The following ZFP28 variants were observed in gnomAD, a reference collection of about 807,000 sequenced individuals.
The protein encoded by ZFP28 is zinc finger protein 28 homolog.
A neutral mutation model predicts 39.5 loss-of-function variants in ZFP28; 31 were observed. That is an observed-to-expected ratio of 0.79 (90% CI 0.59 to 1.06). ZFP28 has a LOEUF of 1.06. Ranked by LOEUF, ZFP28 falls within the 50% of genes least tolerant of loss-of-function variation. ZFP28 has a pLI of 0.00. For missense variants in ZFP28, 925 were observed against 1,048.4 expected (o/e 0.88, Z 1.63); for synonymous variants, 400 against 378.6 (o/e 1.06, Z -0.66).
Position 56,555,760 on chromosome 19 carries a change from T to C in ZFP28, c.*368T>C, listed in dbSNP as rs1317511002. 1 of 182,458 alleles carries C rather than the reference T, an allele frequency of 5.5e-6. No individual in the cohort carries two copies. The highest frequency in any genetic ancestry group is 1.1e-5 in the Non-Finnish European group (1 of 88,728). 11.3% of individuals were successfully genotyped at this position (182,458 alleles called of 1,614,324 possible). A position where few individuals can be genotyped will look rare whatever the true frequency, so the allele number is the denominator to read the frequency against. On this transcript the variant is annotated 3_prime_UTR_variant, in exon 8 of 8. Transcript: ENST00000301318. The stretch of plus-strand genomic sequence containing the variant: ...GTGGGTGAGGTTTTGCCTTTGTTGG[T>C]TTTAAAACTTGATTCTATAATGCCA...
Position 56,539,183 on chromosome 19 carries a change from CAA to C in ZFP28, c.167_168del (p.Lys56ArgfsTer38). ...CGCGCTCAAGGAATGGCCTCGCATC[CAA>C]AGGCCAGCGAGGAGCGGCCCCTACG... ...RPRSRNGLAS[K>X]GQRGAAPTGP... On this transcript the variant is annotated frameshift_variant, in exon 1 of 8. Coordinates refer to ENST00000301318, the MANE Select transcript of ZFP28 (RefSeq NM_020828.2). LOFTEE classifies it high-confidence loss of function. The C allele has an allele frequency of 6.2e-7, 1 of 1,603,822 alleles. No homozygotes were observed. The highest frequency in any genetic ancestry group is 8.5e-7 in the Non-Finnish European group (1 of 1,178,172).
chr19:56,553,648 G>A (rs762298986), intron 7 of ZFP28, 36 bp from the exon 8 acceptor site: 140 of 1,524,842 alleles, frequency 9.2e-5, no homozygotes, highest in Admixed American at 2.7e-4. Context: ...CCTAGCACAC[G>A]AAAAAGGAAA....
At chr19:56,545,118 A>G (rs1366640688) in intron 2 of ZFP28, among the ~76,000 whole-genome samples, 1 of 152,224 alleles carries the variant, frequency 6.6e-6, no homozygotes, top group Non-Finnish European at 1.5e-5. Context: ...AGGTAGCCAT[A>G]TTAGTGTGTC....
Position 56,554,168 on chromosome 19 carries a change from A to C in ZFP28, c.1383A>C (p.Ser461=). 1 of 1,614,196 alleles carries C rather than the reference A, an allele frequency of 6.2e-7. No homozygotes were observed. The highest frequency in any genetic ancestry group is 8.5e-7 in the Non-Finnish European group (1 of 1,180,038). ...GTGGGAAGGCCTTTAGTGACGGCTC[A>C]TCCTTTGCCCGACACCAGAGATGTC... ...NECGKAFSDG[S]SFARHQRCHT... Residue 461 remains serine, a synonymous_variant, in exon 8 of 8, where the codon TCA becomes TCC. Coordinates refer to ENST00000301318, the MANE Select transcript of ZFP28 (RefSeq NM_020828.2). The surrounding 1 kb of genome is among the most constrained non-coding windows in gnomAD (Gnocchi z 6.7).
Position 56,550,573 on chromosome 19 carries a change from T to G in ZFP28, c.866T>G (p.Val289Gly), listed in dbSNP as rs984352687. 1 of 1,614,126 alleles carries G rather than the reference T, an allele frequency of 6.2e-7. No individual in the cohort carries two copies. Among genetic ancestry groups the G allele is most frequent in the Non-Finnish European group, 8.5e-7 (1 of 1,180,026 alleles). Residue 289 changes from valine (V) to glycine (G), a missense_variant, in exon 7 of 8, where the codon GTG (valine) becomes GGG (glycine). This residue lies in a region of ZFP28 where 556 missense variants were observed against 542.9 expected (regional missense o/e 1.02). Coordinates refer to ENST00000301318, the MANE Select transcript of ZFP28 (RefSeq NM_020828.2). ...GAGCAAGAGAAGGAGCCCTGGATGG[T>G]GAAGCGAGAGCTGACAGGAAGCCTG... is the stretch of plus-strand genomic sequence containing the variant. ...LLEQEKEPWM[V>G]KRELTGSLFS...
chr19:56,550,562 G>A lies in ZFP28; in HGVS notation c.855G>A (p.Glu285=), dbSNP rs1568486861. 3 of 1,614,038 alleles carry A rather than the reference G, an allele frequency of 1.9e-6. No individual in the cohort carries two copies. The highest frequency in any genetic ancestry group is 1.3e-5 in the African/African-American group (1 of 74,918). Reference sequence around the variant, plus strand: ...TCTCTTTACTAGAGCAAGAGAAGGAGCCCTGGATGGTGAAGCGAGAGCTGA... The same window carrying A: ...TCTCTTTACTAGAGCAAGAGAAGGAACCCTGGATGGTGAAGCGAGAGCTGA... ...DLVSLLEQEK[E]PWMVKRELTG... Residue 285 remains glutamate, a synonymous_variant, in exon 7 of 8, where the codon GAG becomes GAA. Coordinates refer to ENST00000301318, the MANE Select transcript of ZFP28 (RefSeq NM_020828.2).
chr19:56,554,198 T>C lies in ZFP28; in HGVS notation c.1413T>C (p.Thr471=). ...SSFARHQRCH[T]GKKPYECIEC... ...TTGCCCGACACCAGAGATGTCACAC[T>C]GGCAAGAAGCCCTATGAGTGCATTG... Residue 471 remains threonine (T), a synonymous_variant, in exon 8 of 8, where the codon ACT becomes ACC. Transcript: ENST00000301318. The surrounding 1 kb of genome is among the most constrained non-coding windows in gnomAD (Gnocchi z 6.7). The C allele has an allele frequency of 6.2e-7, 1 of 1,614,172 alleles. No homozygotes were observed. Among genetic ancestry groups the C allele is most frequent in the Middle Eastern group, 1.6e-4 (1 of 6,062 alleles).
At position 56,547,995 on chromosome 19, in the gene ZFP28, CCTCTT is replaced by C; in HGVS notation, c.523+94_523+98del. 1.2e-5 allele frequency: 14 copies of C among 1,195,466 alleles called. No homozygotes were observed. The highest frequency in any genetic ancestry group is 1.5e-5 in the Non-Finnish European group (13 of 842,308). The allele number at this position is 1,195,466 out of a possible 1,614,324, so 74.1% of individuals were successfully genotyped here. A position where few individuals can be genotyped will look rare whatever the true frequency, so the allele number is the denominator to read the frequency against. ...ACATCTTCAGCAGACTCTTCCTAAG[CCTCTT>C]GCTTAGGAATATCTGTTATTTTTAC... is the stretch of plus-strand genomic sequence containing the variant. On this transcript the variant is annotated intron_variant, in intron 4 of 7. Coordinates refer to ENST00000301318, the MANE Select transcript of ZFP28 (RefSeq NM_020828.2). This position sits in a 1 kb window ranked among gnomAD's most constrained non-coding sequence, Gnocchi z 4.6.
Position 56,556,516 on chromosome 19 carries a change from A to G in ZFP28, c.*1124A>G, listed in dbSNP as rs1600554496. On this transcript the variant is annotated 3_prime_UTR_variant, in exon 8 of 8. Coordinates refer to ENST00000301318, the MANE Select transcript of ZFP28 (RefSeq NM_020828.2). ...GTTTTATCAAACCACAGCCATGCTT[A>G]CTTGTTTAGCTATTGACTATGGCTG... 1 of 152,228 alleles carries G rather than the reference A, an allele frequency of 6.6e-6. No individual in the cohort carries two copies. The highest frequency in any genetic ancestry group is 1.5e-5 in the Non-Finnish European group (1 of 68,050). The allele number at this position is 152,228 out of a possible 1,614,324, so 9.4% of individuals were successfully genotyped here.
At position 56,554,008 on chromosome 19, in the gene ZFP28, T is replaced by C; in HGVS notation, c.1223T>C (p.Ile408Thr). 6.2e-7 allele frequency: 1 copy of C among 1,612,084 alleles called. No homozygotes were observed. Among genetic ancestry groups the C allele is most frequent in the South Asian group, 1.1e-5 (1 of 90,502 alleles). ...AATTTTCAAAAAAGTTCAGTGGTAATAAAACAAACAGGCATCTATGCAGGA... is the reference window on the plus strand; with the variant it reads ...AATTTTCAAAAAAGTTCAGTGGTAACAAAACAAACAGGCATCTATGCAGGA... The part of the protein sequence containing the change: ...IKNFQKSSVV[I>T]KQTGIYAGKK... Residue 408 changes from isoleucine (I) to threonine (T), a missense_variant, in exon 8 of 8, where the codon ATA (isoleucine) becomes ACA (threonine). Around this residue, in one of 2 missense-constraint regions of ZFP28, gnomAD observed 556 missense variants for 542.9 expected, o/e 1.02. Coordinates refer to ENST00000301318, the MANE Select transcript of ZFP28 (RefSeq NM_020828.2). This position sits in a 1 kb window ranked among gnomAD's most constrained non-coding sequence, Gnocchi z 6.7.
In ZFP28 at chr19:56,548,955, C is replaced by T; in HGVS notation, c.524-3C>T. 3 of 1,607,490 alleles carry T rather than the reference C, an allele frequency of 1.9e-6. No homozygotes were observed. The highest frequency in any genetic ancestry group is 2.5e-6 in the Non-Finnish European group (3 of 1,177,956). ...ATAAATTTACCTTCTTTACGTCTTTCAGACTTGAAGGCTGTGTGGAAGATC... is the reference window on the plus strand; with the variant it reads ...ATAAATTTACCTTCTTTACGTCTTTTAGACTTGAAGGCTGTGTGGAAGATC... On this transcript the variant is annotated splice_polypyrimidine_tract_variant and splice_region_variant and intron_variant, in intron 4 of 7. Transcript: ENST00000301318.
intron 6 of ZFP28, 140 bp from the exon 7 acceptor site, chr19:56,550,370 T>C (rs1428333760): frequency 1.0e-5 from 9 of 875,650 alleles, no homozygotes; most frequent in African/African-American, 3.4e-5. Context: ...TGAAGCGTTA[T>C]CTTCTTGTGT....
In ZFP28 at chr19:56,556,391, T is replaced by C. The variant is rs2044351191; in HGVS notation, c.*999T>C. ...CAGAGCCCAAATATCTACTGTCTGATCCTACACAGAAAATGTGTGTGATCC... is the reference window on the plus strand; with the variant it reads ...CAGAGCCCAAATATCTACTGTCTGACCCTACACAGAAAATGTGTGTGATCC... On this transcript the variant is annotated 3_prime_UTR_variant, in exon 8 of 8. Transcript: ENST00000301318. The C allele has an allele frequency of 6.6e-6, 1 of 152,172 alleles. No individual in the cohort carries two copies. The highest frequency in any genetic ancestry group is 6.5e-5 in the Admixed American group (1 of 15,276). The allele number at this position is 152,172 out of a possible 1,614,324, so 9.4% of individuals were successfully genotyped here. A position where few individuals can be genotyped will look rare whatever the true frequency, so the allele number is the denominator to read the frequency against.
intron 7 of ZFP28, chr19:56,550,950 C>A: frequency 7.2e-7 from 1 of 1,395,108 alleles, no homozygotes; most frequent in Admixed American, 3.1e-5. Context: ...TTTCATCATG[C>A]ATCCATTCCT....
At position 56,549,085 on chromosome 19, in the gene ZFP28, A is replaced by ACC; in HGVS notation, c.652_653insCC (p.His218ProfsTer16). 6.2e-7 allele frequency: 1 copy of ACC among 1,613,056 alleles called. No homozygotes were observed. Among genetic ancestry groups the ACC allele is most frequent in the Non-Finnish European group, 8.5e-7 (1 of 1,179,634 alleles). On this transcript the variant is annotated frameshift_variant, in exon 5 of 8. Coordinates refer to ENST00000301318, the MANE Select transcript of ZFP28 (RefSeq NM_020828.2). LOFTEE classifies it high-confidence loss of function. ...ATCTGGAGTACTCTCTGTTAGGGGA[A>ACC]CACTGGGATTATGATGCTCTGTTTG...
intron 2 of ZFP28, among the ~76,000 whole-genome samples, chr19:56,543,667 T>C (rs139852628): frequency 1.1e-3 from 167 of 152,284 alleles, no homozygotes; most frequent in Non-Finnish European, 2.2e-3. Flanking sequence ...AGTGTAAAAA[T>C]GTGAAACCCA....
Position 56,539,079 on chromosome 19 carries a change from C to A in ZFP28, c.61C>A (p.Pro21Thr). 1 of 1,532,354 alleles carries A rather than the reference C, an allele frequency of 6.5e-7. No individual in the cohort carries two copies. Among genetic ancestry groups the A allele is most frequent in the Non-Finnish European group, 8.7e-7 (1 of 1,144,798 alleles). 94.9% of individuals were successfully genotyped at this position (1,532,354 alleles called of 1,614,324 possible). The change falls in exon 1 of 8, where the codon CCC becomes ACC. Residue 21 changes from proline to threonine, a missense_variant. By Grantham distance (38) the Pro-to-Thr change is conservative. Coordinates refer to ENST00000301318, the MANE Select transcript of ZFP28 (RefSeq NM_020828.2). Reference protein sequence around the residue: ...EPTPLPGRGAPRTKPRAGRGP... With the variant: ...EPTPLPGRGATRTKPRAGRGP... Reference sequence around the variant, plus strand: ...GACGCCGCTCCCGGGTAGAGGCGCCCCCCGCACAAAGCCCCGGGCGGGCCG... The same window carrying A: ...GACGCCGCTCCCGGGTAGAGGCGCCACCCGCACAAAGCCCCGGGCGGGCCG...
chr19:56,537,971 G>A (rs1215089775), upstream of ZFP28: 5 of 152,252 alleles, frequency 3.3e-5, no homozygotes, highest in Non-Finnish European at 7.3e-5. Flanking sequence ...ATTCACACAG[G>A]AAGGGAACTT....
In ZFP28 at chr19:56,554,766, G is replaced by A. The variant is rs1208264945; in HGVS notation, c.1981G>A (p.Ala661Thr). ...AGCGTTCACCCAGAAGGCTCACCTT[G>A]CACAGCATCAGAAAACCCATACAGG... ...SKAFTQKAHL[A>T]QHQKTHTGEK... The change falls in exon 8 of 8, where the codon GCA becomes ACA. Residue 661 changes from alanine to threonine, a missense_variant. By Grantham distance (58) the Ala-to-Thr change is moderately conservative. Around this residue, in one of 2 missense-constraint regions of ZFP28, gnomAD observed 369 missense variants for 505.5 expected, o/e 0.73. Coordinates refer to ENST00000301318, the MANE Select transcript of ZFP28 (RefSeq NM_020828.2). The surrounding 1 kb of genome is among the most constrained non-coding windows in gnomAD (Gnocchi z 6.7). 7 of 1,614,110 alleles carry A rather than the reference G, an allele frequency of 4.3e-6. No individual in the cohort carries two copies. Among genetic ancestry groups the A allele is most frequent in the Non-Finnish European group, 5.9e-6 (7 of 1,180,002 alleles).
Sources: allele counts gnomAD v4.1 joint callset (sites outside exome capture counted in the v4.1 genomes callset), GRCh38; gene constraint gnomAD v4.1.1; regional missense constraint gnomAD v4.1.1; non-coding constraint Gnocchi (gnomAD v3.1); transcripts MANE v1.5; gene names NCBI Gene and HGNC (gene_info 2026-07-23, HGNC 2026-07-21).